Variants in CSMD1 observed in about 807,000 individuals in gnomAD.
CSMD1 encodes CUB and sushi domain-containing protein 1.
In CSMD1, 213 loss-of-function variants were observed where a neutral mutation model predicts 417.5. That is an observed-to-expected ratio of 0.51 (90% CI 0.46 to 0.57). The LOEUF is 0.57. CSMD1 is among the 20% of genes least tolerant of loss of function. The pLI is 0.00. For synonymous variants in CSMD1, 2,862 were observed against 1,736.8 expected (o/e 1.65, Z -16.11); for missense variants, 6,923 against 4,529.7 (o/e 1.53, Z -15.17).
chr8:4,461,389 T>A (rs1256911245), intron 2 of CSMD1, among the ~76,000 whole-genome samples: 1 of 151,534 alleles, frequency 6.6e-6, no homozygotes, highest in Non-Finnish European at 1.5e-5. Context: ...TTTAAAGGCA[T>A]AAAGATAGGT....
In CSMD1 at chr8:3,778,743, C is replaced by G. The variant is rs141807696; in HGVS notation, c.819-24701G>C. On this transcript the variant is annotated intron_variant, in intron 5 of 69. Coordinates refer to ENST00000635120, the MANE Select transcript of CSMD1 (RefSeq NM_033225.6). ...TCCTTTCTGCAGGGCCTTTGGAAAT[C>G]AGGTTACAAATAATTGCTTGTGATT... Among the ~76,000 whole-genome samples, 18 of 152,276 alleles carry G rather than the reference C, an allele frequency of 1.2e-4. No individual in the cohort carries two copies. The East Asian group carries it at 3.5e-3, about 29-fold the overall frequency.
intron 2 of CSMD1, among the ~76,000 whole-genome samples, chr8:4,543,120 T>G (rs1797474383): frequency 6.6e-6 from 1 of 152,222 alleles, no homozygotes; most frequent in Non-Finnish European, 1.5e-5. Flanking sequence ...TGTGGCACAT[T>G]TATTACAATT....
chr8:4,073,886 T>C (rs1486469925), intron 3 of CSMD1, among the ~76,000 whole-genome samples: 2 of 152,146 alleles, frequency 1.3e-5, no homozygotes, highest in East Asian at 3.9e-4. Flanking sequence ...ATAACTAGTC[T>C]ACAGCTATAC....
chr8:4,489,006 C>G (rs1053261177), intron 2 of CSMD1, among the ~76,000 whole-genome samples: 1 of 152,150 alleles, frequency 6.6e-6, no homozygotes, highest in Non-Finnish European at 1.5e-5. Context: ...CGCCTCCCAG[C>G]TTCAAGCAAT....
intron 2 of CSMD1, among the ~76,000 whole-genome samples, chr8:4,512,273 C>A (rs961673191): frequency 8.5e-5 from 13 of 152,118 alleles, no homozygotes; most frequent in African/African-American, 3.1e-4. Flanking sequence ...TAAACCAGAA[C>A]AAGAGGGAAA....
At chr8:4,714,472 A>G (rs725825) in intron 1 of CSMD1, among the ~76,000 whole-genome samples, 5,703 of 152,306 alleles carry the variant, frequency 0.037, 115 homozygotes, top group East Asian at 0.083. Flanking sequence ...GCGCTTTCAT[A>G]TGCTTCATCT....
intron 5 of CSMD1, among the ~76,000 whole-genome samples, chr8:3,926,319 A>G (rs138962170): frequency 2.1e-3 from 318 of 152,234 alleles, no homozygotes; most frequent in African/African-American, 7.3e-3. Flanking sequence ...TAACTTTTCA[A>G]TCTATTACAC....
chr8:3,757,130 A>G (rs1040159411), intron 5 of CSMD1, among the ~76,000 whole-genome samples: 2 of 152,150 alleles, frequency 1.3e-5, no homozygotes, highest in African/African-American at 2.4e-5. Context: ...GCATGCCTAC[A>G]TTAATAATGA....
chr8:4,034,804 T>C (rs1315054005), intron 3 of CSMD1, among the ~76,000 whole-genome samples: 11 of 152,218 alleles, frequency 7.2e-5, no homozygotes, highest in Admixed American at 7.2e-4. Context: ...TAATTCTTCT[T>C]AGAAGGCACA....
chr8:3,390,307 G>T (rs1012410399), intron 17 of CSMD1, among the ~76,000 whole-genome samples: 1 of 134,114 alleles, frequency 7.5e-6, no homozygotes, highest in Non-Finnish European at 1.5e-5. Flanking sequence ...GTGAGCCAAG[G>T]TTGTGCCGTT....
intron 10 of CSMD1, among the ~76,000 whole-genome samples, chr8:3,514,566 G>A (rs933960528): frequency 1.3e-5 from 2 of 152,154 alleles, no homozygotes; most frequent in Admixed American, 6.5e-5. Context: ...ATAGTTGGGG[G>A]AATATTCCTA....
chr8:4,848,785 T>C (rs13271683), intron 1 of CSMD1, among the ~76,000 whole-genome samples: 61,777 of 152,024 alleles, frequency 0.41, 12,650 homozygotes, highest in Non-Finnish European at 0.44. Flanking sequence ...CTCAGGTGAT[T>C]CGGCCGTCTC....
chr8:3,968,202 TAATAATA>T (rs1376153443), intron 5 of CSMD1, among the ~76,000 whole-genome samples: 1 of 148,066 alleles, frequency 6.8e-6, no homozygotes, highest in Non-Finnish European at 1.5e-5. Flanking sequence ...ATAATAATAA[TAATAATA>T]AATAATAAAA....
chr8:3,614,811 C>T (rs935770708), intron 8 of CSMD1, among the ~76,000 whole-genome samples: 2 of 152,186 alleles, frequency 1.3e-5, no homozygotes, highest in African/African-American at 2.4e-5. Flanking sequence ...AGACACTCTC[C>T]ATTCTGGAGA....
At chr8:3,882,778 A>C (rs550946257) in intron 5 of CSMD1, among the ~76,000 whole-genome samples, 22 of 152,334 alleles carry the variant, frequency 1.4e-4, no homozygotes, top group African/African-American at 5.1e-4. Flanking sequence ...CAAAAGCAAA[A>C]CAATGCAAAA....
intron 41 of CSMD1, among the ~76,000 whole-genome samples, chr8:3,142,039 C>T (rs958211760): frequency 3.0e-4 from 46 of 152,180 alleles, no homozygotes; most frequent in Admixed American, 2.4e-3. Context: ...CCTCGTGATC[C>T]GCCCGCCTCG....
At chr8:4,680,173 G>A (rs1464662983) in intron 1 of CSMD1, among the ~76,000 whole-genome samples, 1 of 152,158 alleles carries the variant, frequency 6.6e-6, no homozygotes, top group South Asian at 2.1e-4. Flanking sequence ...AATCAGACCT[G>A]TTCTTAGGAA....
At chr8:3,367,281 CAG>C (rs1563316723) in intron 19 of CSMD1, 34 bp from the exon 20 acceptor site, 6 of 1,437,698 alleles carry the variant, frequency 4.2e-6, no homozygotes, top group Non-Finnish European at 5.8e-6. Flanking sequence ...GAGAGAGAGA[CAG>C]AGAGAGACAC....
chr8:4,271,060 G>T (rs1804560765), intron 3 of CSMD1, among the ~76,000 whole-genome samples: 1 of 152,176 alleles, frequency 6.6e-6, no homozygotes, highest in Non-Finnish European at 1.5e-5. Context: ...AGAAGAGCTG[G>T]TGCAGAAAGT....
Sources: allele counts gnomAD v4.1 joint callset (sites outside exome capture counted in the v4.1 genomes callset), GRCh38; gene constraint gnomAD v4.1.1; transcripts MANE v1.5; gene names NCBI Gene and HGNC (gene_info 2026-07-23, HGNC 2026-07-21).